GJA1: variants seen among roughly 807,000 people sequenced by gnomAD.
GJA1 encodes gap junction alpha-1 protein.
Under a neutral mutation model 31.0 loss-of-function variants are expected in GJA1, and 9 were observed. The ratio of observed to expected loss-of-function variants is 0.29; its 90% confidence interval spans 0.17 to 0.51. The LOEUF (loss-of-function observed/expected upper bound fraction) is 0.51, where lower values mean the gene tolerates loss of function less well. Among genes scored for constraint, GJA1 ranks in the 20% least tolerant of loss-of-function variants. The pLI, the probability that GJA1 is intolerant of heterozygous loss-of-function variation, is 0.98. For synonymous variants in GJA1, 186 were observed against 180.1 expected (o/e 1.03, Z -0.26); for missense variants, 278 against 468.8 (o/e 0.59, Z 3.76).
intron 1 of GJA1, among the ~76,000 whole-genome samples, chr6:121,439,743 G>A (rs1773733387): frequency 6.6e-6 from 1 of 152,152 alleles, no homozygotes; most frequent in Non-Finnish European, 1.5e-5. Context: ...AGCTGGGGAA[G>A]GAAGGCTTGT....
chr6:121,440,207 C>CTT (rs3840370), intron 1 of GJA1, among the ~76,000 whole-genome samples: 43 of 145,732 alleles, frequency 3.0e-4, no homozygotes, highest in African/African-American at 9.4e-4. Context: ...GTGTTTTTTC[C>CTT]TTTTTTTTTT....
intron 1 of GJA1, among the ~76,000 whole-genome samples, chr6:121,446,367 G>A (rs1453126105): frequency 1.3e-5 from 2 of 152,184 alleles, no homozygotes; most frequent in African/African-American, 4.8e-5. Context: ...TGGAAAGAAG[G>A]TTATGGATGT....
In GJA1 at chr6:121,447,731, A is replaced by G. The variant is rs756401045; in HGVS notation, c.884A>G (p.Asn295Ser). 7 of 1,614,102 alleles carry G rather than the reference A, an allele frequency of 4.3e-6. No individual in the cohort carries two copies. Among genetic ancestry groups the G allele is most frequent in the Non-Finnish European group, 5.9e-6 (7 of 1,180,024 alleles). Residue 295 changes from asparagine to serine, a missense_variant, in exon 2 of 2, where the codon AAT (asparagine) becomes AGT (serine). Physicochemically the swap from Asn to Ser is conservative, Grantham distance 46. This residue lies in a region of GJA1 where 172 missense variants were observed against 190.9 expected (regional missense o/e 0.90). Transcript: ENST00000282561. ...AAGCTGGTTACTGGCGACAGAAACA[A>G]TTCTTCTTGCCGCAATTACAACAAG... ...GYKLVTGDRN[N>S]SSCRNYNKQA...
intron 1 of GJA1, among the ~76,000 whole-genome samples, chr6:121,437,107 C>T (rs1181053521): frequency 6.6e-6 from 1 of 152,312 alleles, no homozygotes; most frequent in Non-Finnish European, 1.5e-5. Flanking sequence ...GGGGCGCCTC[C>T]TGCCATCTTA....
chr6:121,435,817 AC>A lies in GJA1; in HGVS notation c.-31del, dbSNP rs1773652056. ...TTCAATCACTTGGCGTGACTTCACT[AC>A]TTTTAAGCAAAAGAGTAAGTTTTTA... On this transcript the variant is annotated 5_prime_UTR_variant, in exon 1 of 2. Coordinates refer to ENST00000282561, the MANE Select transcript of GJA1 (RefSeq NM_000165.5). 6.6e-6 allele frequency: 1 copy of A among 152,180 alleles called. No homozygotes were observed. The highest frequency in any genetic ancestry group is 2.4e-5 in the African/African-American group (1 of 41,440). The allele number at this position is 152,180 out of a possible 1,614,324, so 9.4% of individuals were successfully genotyped here.
intron 1 of GJA1, among the ~76,000 whole-genome samples, chr6:121,436,943 C>G (rs1368913847): frequency 1.3e-5 from 2 of 152,164 alleles, no homozygotes; most frequent in Non-Finnish European, 2.9e-5. Context: ...CATTTTTGTG[C>G]CCGGTAAAGA....
rs537148565 is a variant in GJA1, at chr6:121,438,480, C to T, written c.-17+2648C>T. ...TTCCTGCATAGAGAAGGAGGGAAAA[C>T]ACGGGGTGCATTCTTTCTTTTCTTT... On this transcript the variant is annotated intron_variant, in intron 1 of 1. Transcript: ENST00000282561. 3.3e-5 allele frequency among the ~76,000 whole-genome samples: 5 copies of T among 152,234 alleles called. No individual in the cohort carries two copies. In the East Asian group the frequency reaches 9.7e-4, roughly 29 times the overall value.
chr6:121,436,975 A>G (rs889566643), intron 1 of GJA1, among the ~76,000 whole-genome samples: 1 of 152,254 alleles, frequency 6.6e-6, no homozygotes, highest in Non-Finnish European at 1.5e-5. Flanking sequence ...GTGTAAATCT[A>G]CAAACTAAAA....
At chr6:121,438,017 A>C (rs1773697915) in intron 1 of GJA1, among the ~76,000 whole-genome samples, 1 of 151,934 alleles carries the variant, frequency 6.6e-6, no homozygotes, top group Non-Finnish European at 1.5e-5. Flanking sequence ...GGAATGAAAT[A>C]AGCCAGTTAG....
chr6:121,440,207 CT>C (rs3840370), intron 1 of GJA1, among the ~76,000 whole-genome samples: 309 of 145,430 alleles, frequency 2.1e-3, no homozygotes, highest in African/African-American at 4.2e-3. Flanking sequence ...GTGTTTTTTC[CT>C]TTTTTTTTTT....
intron 1 of GJA1, among the ~76,000 whole-genome samples, chr6:121,438,942 A>G (rs564331029): frequency 7.7e-4 from 117 of 152,110 alleles, no homozygotes; most frequent in African/African-American, 2.7e-3. Context: ...GGCTTATACA[A>G]TTTCATAAAT....
chr6:121,447,678 C>G lies in GJA1; in HGVS notation c.831C>G (p.Pro277=). 1 of 1,614,106 alleles carries G rather than the reference C, an allele frequency of 6.2e-7. No individual in the cohort carries two copies. Among genetic ancestry groups the G allele is most frequent in the Non-Finnish European group, 8.5e-7 (1 of 1,180,028 alleles). The part of the protein sequence containing the change: ...YFNGCSSPTA[P]LSPMSPPGYK... Reference sequence around the variant, plus strand: ...ATGGCTGCTCCTCACCAACCGCTCCCCTCTCGCCTATGTCTCCTCCTGGGT... The same window carrying G: ...ATGGCTGCTCCTCACCAACCGCTCCGCTCTCGCCTATGTCTCCTCCTGGGT... The change falls in exon 2 of 2, where the codon CCC becomes CCG. Residue 277 remains proline (P), a synonymous_variant. Transcript: ENST00000282561.
At chr6:121,437,258 G>A (rs1054168766) in intron 1 of GJA1, among the ~76,000 whole-genome samples, 7 of 152,054 alleles carry the variant, frequency 4.6e-5, no homozygotes, top group Admixed American at 3.3e-4. Context: ...GGGTGGGAGG[G>A]ATAGGAGGAG....
intron 1 of GJA1, among the ~76,000 whole-genome samples, chr6:121,445,552 C>G (rs1773872774): frequency 6.6e-6 from 1 of 150,410 alleles, no homozygotes. Flanking sequence ...GTCCAAAGCC[C>G]AGTAAGGGAA....
intron 1 of GJA1, among the ~76,000 whole-genome samples, chr6:121,443,273 T>G (rs1773828112): frequency 6.6e-6 from 1 of 152,182 alleles, no homozygotes; most frequent in Non-Finnish European, 1.5e-5. Context: ...GGGAACAATT[T>G]TTGTTACCTG....
At chr6:121,440,676 A>AT (rs1773758694) in intron 1 of GJA1, among the ~76,000 whole-genome samples, 1 of 143,230 alleles carries the variant, frequency 7.0e-6, no homozygotes, top group African/African-American at 2.7e-5. Flanking sequence ...GTATCTTTCT[A>AT]TTTTTTGTGG....
intron 1 of GJA1, among the ~76,000 whole-genome samples, chr6:121,439,000 A>C (rs1773717974): frequency 6.6e-6 from 1 of 152,012 alleles, no homozygotes; most frequent in African/African-American, 2.4e-5. Context: ...TTTAAGAAAA[A>C]TATATGTTTA....
Position 121,449,189 on chromosome 6 carries a change from A to C in GJA1, c.*1193A>C, listed in dbSNP as rs1773943576. The C allele has an allele frequency of 6.0e-6, 1 of 167,104 alleles. No homozygotes were observed. Among genetic ancestry groups the C allele is most frequent in the Admixed American group, 6.5e-5 (1 of 15,288 alleles). 10.4% of individuals were successfully genotyped at this position (167,104 alleles called of 1,614,324 possible). ...TTGAATGATAGAATTTTAGTACTGT[A>C]AACAGGCTTTAGTCATTAATGTGAG... is the stretch of plus-strand genomic sequence containing the variant. On this transcript the variant is annotated 3_prime_UTR_variant, in exon 2 of 2. Coordinates refer to ENST00000282561, the MANE Select transcript of GJA1 (RefSeq NM_000165.5).
intron 1 of GJA1, among the ~76,000 whole-genome samples, chr6:121,438,206 T>A (rs942691607): frequency 6.6e-6 from 1 of 152,160 alleles, no homozygotes; most frequent in African/African-American, 2.4e-5. Context: ...GGTAGACTGG[T>A]TACCTGGGAA....
Sources: allele counts gnomAD v4.1 joint callset (sites outside exome capture counted in the v4.1 genomes callset), GRCh38; gene constraint gnomAD v4.1.1; regional missense constraint gnomAD v4.1.1; transcripts MANE v1.5; gene names NCBI Gene and HGNC (gene_info 2026-07-23, HGNC 2026-07-21).